Variants in PTCD3 observed in about 807,000 individuals in gnomAD.
PTCD3 encodes pentatricopeptide repeat domain 3, also known as small ribosomal subunit protein mS39.
Under a neutral mutation model 101.9 loss-of-function variants are expected in PTCD3, and 89 were observed. That is an observed-to-expected ratio of 0.87 (90% CI 0.74 to 1.04). The LOEUF (loss-of-function observed/expected upper bound fraction) is 1.04, where lower values mean the gene tolerates loss of function less well. Ranked by LOEUF, PTCD3 falls within the 50% of genes least tolerant of loss-of-function variation. The pLI, the probability that PTCD3 is intolerant of heterozygous loss-of-function variation, is 0.00. For synonymous variants in PTCD3, 296 were observed against 278.5 expected, an observed-to-expected ratio of 1.06 and a Z score of -0.63; for missense variants, 870 against 828.2, an observed-to-expected ratio of 1.05 and a Z score of -0.62.
rs1420991057 is a variant in PTCD3, at chr2:86,140,556, AAAGT to A, written c.*3001_*3004del. 6.6e-6 allele frequency: 1 copy of A among 152,206 alleles called. No homozygotes were observed. Among genetic ancestry groups the A allele is most frequent in the Non-Finnish European group, 1.5e-5 (1 of 68,038 alleles). 9.4% of individuals were successfully genotyped at this position (152,206 alleles called of 1,614,324 possible). A position where few individuals can be genotyped will look rare whatever the true frequency, so the allele number is the denominator to read the frequency against. ...ATTTTTTACTGCTGGTCATGGTCAA[AAAGT>A]AAGATACGCTAGGAAATTGAGTCAC... On this transcript the variant is annotated 3_prime_UTR_variant, in exon 24 of 24. Coordinates refer to ENST00000254630, the MANE Select transcript of PTCD3 (RefSeq NM_017952.6).
chr2:86,114,470 A>G (rs1427326602), intron 4 of PTCD3, among the ~76,000 whole-genome samples: 1 of 152,054 alleles, frequency 6.6e-6, no homozygotes, highest in African/African-American at 2.4e-5. Flanking sequence ...TTGTATTTTT[A>G]GTAGAGACGG....
intron 11 of PTCD3, 97 bp from the exon 12 acceptor site, chr2:86,125,698 T>G (rs1674370440): frequency 5.7e-6 from 6 of 1,056,548 alleles, no homozygotes; most frequent in Non-Finnish European, 7.0e-6. Context: ...GACATGTGAT[T>G]AGTCAAGGGA....
chr2:86,126,613 T>C (rs1220380709), intron 12 of PTCD3, among the ~76,000 whole-genome samples: 3 of 152,006 alleles, frequency 2.0e-5, no homozygotes, highest in Non-Finnish European at 4.4e-5. Context: ...GGCGGGTGGA[T>C]TACCTTAGGT....
At position 86,137,798 on chromosome 2, in the gene PTCD3, G is replaced by A. The variant is rs1573861066; in HGVS notation, c.*239G>A. 2.7e-5 allele frequency: 12 copies of A among 445,146 alleles called. No homozygotes were observed. Among genetic ancestry groups the A allele is most frequent in the South Asian group, 1.7e-4 (8 of 46,742 alleles). The allele number at this position is 445,146 out of a possible 1,614,324, so 27.6% of individuals were successfully genotyped here. A position where few individuals can be genotyped will look rare whatever the true frequency, so the allele number is the denominator to read the frequency against. On this transcript the variant is annotated 3_prime_UTR_variant, in exon 24 of 24. Coordinates refer to ENST00000254630, the MANE Select transcript of PTCD3 (RefSeq NM_017952.6). ...CTTAGCATTTAAGTAGCAACATTGCGGTTTTCAGACACATGGTGAGGTCCA... is the reference window on the plus strand; with the variant it reads ...CTTAGCATTTAAGTAGCAACATTGCAGTTTTCAGACACATGGTGAGGTCCA...
intron 1 of PTCD3, among the ~76,000 whole-genome samples, chr2:86,107,572 C>T (rs1320384782): frequency 1.3e-5 from 2 of 152,166 alleles, no homozygotes; most frequent in African/African-American, 2.4e-5. Flanking sequence ...GATCAGAACA[C>T]TTAAACAGAA....
At position 86,139,072 on chromosome 2, in the gene PTCD3, G is replaced by T. The variant is rs1674642011; in HGVS notation, c.*1513G>T. The T allele has an allele frequency of 6.6e-6, 1 of 152,128 alleles. No homozygotes were observed. Among genetic ancestry groups the T allele is most frequent in the Non-Finnish European group, 1.5e-5 (1 of 68,030 alleles). The allele number at this position is 152,128 out of a possible 1,614,324, so 9.4% of individuals were successfully genotyped here. A position where few individuals can be genotyped will look rare whatever the true frequency, so the allele number is the denominator to read the frequency against. On this transcript the variant is annotated 3_prime_UTR_variant, in exon 24 of 24. Coordinates refer to ENST00000254630, the MANE Select transcript of PTCD3 (RefSeq NM_017952.6). ...TTAGCTTGGTACTTTTAAGTTTGTG[G>T]TACAGATCCTCCAAACCCATACTCT...
At chr2:86,134,438 T>G in intron 20 of PTCD3, 61 bp downstream of exon 20, 124 of 1,286,068 alleles carry the variant, frequency 9.6e-5, no homozygotes, top group Non-Finnish European at 1.2e-4. Flanking sequence ...TAAGGCTAGC[T>G]TCCCTGGTTT....
chr2:86,106,460 C>T (rs1450612377), intron 1 of PTCD3, 109 bp downstream of exon 1: 17 of 1,141,732 alleles, frequency 1.5e-5, no homozygotes, highest in Non-Finnish European at 1.4e-5. Flanking sequence ...CTCATGCGCG[C>T]CCTTAACGGT....
intron 3 of PTCD3, chr2:86,109,060 G>A (rs1558792351): frequency 6.6e-6 from 1 of 152,276 alleles, no homozygotes; most frequent in Non-Finnish European, 1.5e-5. Flanking sequence ...TAGTCCTATT[G>A]AACGCATTTA....
chr2:86,138,993 C>T lies in PTCD3; in HGVS notation c.*1434C>T, dbSNP rs1674641166. Reference sequence around the variant, plus strand: ...CAGCTAGAGTTGATAGGAGAAAATCCATTTGGGTAGATGGCCTATGAATTT... The same window carrying T: ...CAGCTAGAGTTGATAGGAGAAAATCTATTTGGGTAGATGGCCTATGAATTT... On this transcript the variant is annotated 3_prime_UTR_variant, in exon 24 of 24. Coordinates refer to ENST00000254630, the MANE Select transcript of PTCD3 (RefSeq NM_017952.6). 6.6e-6 allele frequency: 1 copy of T among 152,156 alleles called. No individual in the cohort carries two copies. The highest frequency in any genetic ancestry group is 1.5e-5 in the Non-Finnish European group (1 of 68,028). 9.4% of individuals were successfully genotyped at this position (152,156 alleles called of 1,614,324 possible). A position where few individuals can be genotyped will look rare whatever the true frequency, so the allele number is the denominator to read the frequency against.
intron 23 of PTCD3, 109 bp downstream of exon 23, chr2:86,137,249 G>C (rs1674603620): frequency 1.5e-6 from 2 of 1,370,010 alleles, no homozygotes; most frequent in Non-Finnish European, 2.0e-6. Flanking sequence ...CAAAAAGTCA[G>C]AATGTAGTAA....
intron 4 of PTCD3, among the ~76,000 whole-genome samples, chr2:86,114,581 G>A (rs1674148046): frequency 6.6e-6 from 1 of 152,214 alleles, no homozygotes; most frequent in Non-Finnish European, 1.5e-5. Context: ...ACTTGAGAGT[G>A]TGATAAAGAG....
At chr2:86,130,624 C>CACATTTGCTT in intron 14 of PTCD3, 24 bp from the exon 15 acceptor site, 1 of 1,601,376 alleles carries the variant, frequency 6.2e-7, no homozygotes, top group Non-Finnish European at 8.5e-7. Context: ...GTGGATTAAA[C>CACATTTGCTT]ACATTTGCTT....
At chr2:86,117,415 GT>G (rs1048429479) in intron 6 of PTCD3, among the ~76,000 whole-genome samples, 1 of 150,076 alleles carries the variant, frequency 6.7e-6, no homozygotes, top group Non-Finnish European at 1.5e-5. Flanking sequence ...TATGACTGAA[GT>G]TTCCTTCACT....
At chr2:86,133,478 A>G (rs572263018) in intron 19 of PTCD3, 42 bp downstream of exon 19, 15 of 1,502,686 alleles carry the variant, frequency 1.0e-5, no homozygotes, top group South Asian at 3.4e-5. Flanking sequence ...TCTCACCTCA[A>G]TATCCTCTAC....
chr2:86,108,635 G>A, intron 3 of PTCD3, 99 bp downstream of exon 3: 1 of 1,213,376 alleles, frequency 8.2e-7, no homozygotes, highest in Non-Finnish European at 1.1e-6. Flanking sequence ...AAGAGCAATA[G>A]GAGAGCATTC....
intron 23 of PTCD3, 122 bp downstream of exon 23, chr2:86,137,262 T>C (rs1674604021): frequency 7.5e-7 from 1 of 1,328,888 alleles, no homozygotes; most frequent in Non-Finnish European, 1.0e-6. Context: ...TGTAGTAATT[T>C]AATGACTATT....
intron 6 of PTCD3, among the ~76,000 whole-genome samples, chr2:86,117,656 C>G (rs548735811): frequency 6.6e-6 from 1 of 152,160 alleles, no homozygotes; most frequent in East Asian, 1.9e-4. Context: ...AGGGTCTTGT[C>G]TCACTGCACT....
intron 15 of PTCD3, 30 bp downstream of exon 15, chr2:86,130,767 C>CT: frequency 6.2e-7 from 1 of 1,609,426 alleles, no homozygotes; most frequent in Non-Finnish European, 8.5e-7. Context: ...GTGTTTTCCT[C>CT]CTCTAAAGAC....
Sources: allele counts gnomAD v4.1 joint callset (sites outside exome capture counted in the v4.1 genomes callset), GRCh38; gene constraint gnomAD v4.1.1; transcripts MANE v1.5; gene names NCBI Gene and HGNC (gene_info 2026-07-23, HGNC 2026-07-21).